Variants in TMEM267 observed in about 807,000 individuals in gnomAD.
The protein encoded by TMEM267 is transmembrane protein 267.
Under a neutral mutation model 19.3 loss-of-function variants are expected in TMEM267, and 20 were observed. The observed-to-expected ratio is 1.04, with a 90% CI of 0.73 to 1.51. The LOEUF is 1.51. TMEM267 is among the 40% of genes most tolerant of loss of function. The probability of loss-of-function intolerance (pLI) is 0.00; values close to 1 mark genes in which losing one functional copy is unlikely to be tolerated. For missense variants in TMEM267, 242 were observed against 261.9 expected (o/e 0.92, Z 0.52); for synonymous variants, 88 against 90.3 (o/e 0.97, Z 0.15).
At chr5:43,473,284 G>A (rs945462750) in intron 1 of TMEM267, among the ~76,000 whole-genome samples, 1 of 151,962 alleles carries the variant, frequency 6.6e-6, no homozygotes, top group African/African-American at 2.4e-5. Flanking sequence ...AGAAATAAAG[G>A]GTATTCAATT....
Position 43,446,425 on chromosome 5 carries a change from A to C in TMEM267, c.445T>G (p.Phe149Val). ...ATATGATGTGAAGTCCAGGATATAA[A>C]TAACATCCAGGGAAGAAAGCACCAT... ...DSWCFLPWML[F>V]ISWTSHHIRD... The change falls in exon 3 of 3, where the codon TTT becomes GTT. Residue 149 changes from phenylalanine (F) to valine (V), a missense_variant. Transcript: ENST00000397080. 6.2e-7 allele frequency: 1 copy of C among 1,613,934 alleles called. No individual in the cohort carries two copies. The highest frequency in any genetic ancestry group is 8.5e-7 in the Non-Finnish European group (1 of 1,179,774).
In TMEM267 at chr5:43,457,843, T is replaced by C. The variant is rs559571821; in HGVS notation, c.-74-3800A>G. On this transcript the variant is annotated intron_variant, in intron 1 of 2. Coordinates refer to ENST00000397080, the MANE Select transcript of TMEM267 (RefSeq NM_022483.5). ...TAAGTAATAGATGTACTGTAGTTCA[T>C]TATATTTTTCTCTATTTTTCTGTAT... Among the ~76,000 whole-genome samples, 12 of 152,314 alleles carry C rather than the reference T, an allele frequency of 7.9e-5. No individual in the cohort carries two copies. The East Asian group carries it at 1.9e-3, about 24-fold the overall frequency.
In TMEM267 at chr5:43,444,579, T is replaced by C. The variant is rs1177942014; in HGVS notation, c.*1643A>G. 2 of 152,212 alleles carry C rather than the reference T, an allele frequency of 1.3e-5. No homozygotes were observed. Among genetic ancestry groups the C allele is most frequent in the Non-Finnish European group, 2.9e-5 (2 of 68,046 alleles). The allele number at this position is 152,212 out of a possible 1,614,324, so 9.4% of individuals were successfully genotyped here. On this transcript the variant is annotated 3_prime_UTR_variant, in exon 3 of 3. Coordinates refer to ENST00000397080, the MANE Select transcript of TMEM267 (RefSeq NM_022483.5). The stretch of plus-strand genomic sequence containing the variant: ...CGTGAGCCACCACGTCCGGTCACTA[T>C]GTAGCATTCTTAAATAAGGCCCTAT...
intron 2 of TMEM267, among the ~76,000 whole-genome samples, chr5:43,446,836 A>G (rs1468464980): frequency 6.6e-6 from 1 of 152,144 alleles, no homozygotes; most frequent in Non-Finnish European, 1.5e-5. Flanking sequence ...AATTCACAAT[A>G]TGAACATAAT....
rs529651950 is a variant in TMEM267, at chr5:43,461,841, C to A, written c.-74-7798G>T. ...TGACTCCCAGATGGTACCTCTAGAC[C>A]CACCCAGGGCCTGGGGGACCTCACT... On this transcript the variant is annotated intron_variant, in intron 1 of 2. Transcript: ENST00000397080. 6.1e-4 allele frequency among the ~76,000 whole-genome samples: 93 copies of A among 152,112 alleles called. 2 individuals are homozygous for A. The highest frequency in any genetic ancestry group is 2.1e-4 in the Non-Finnish European group (14 of 68,018).
chr5:43,450,985 C>T (rs1742552132), intron 2 of TMEM267, among the ~76,000 whole-genome samples: 1 of 152,002 alleles, frequency 6.6e-6, no homozygotes, highest in South Asian at 2.1e-4. Flanking sequence ...CAGGTGCCTG[C>T]CACTATGCCC....
At chr5:43,481,079 C>T (rs1744733617) in intron 1 of TMEM267, among the ~76,000 whole-genome samples, 1 of 149,794 alleles carries the variant, frequency 6.7e-6, no homozygotes, top group South Asian at 2.1e-4. Context: ...GCTAGGATTA[C>T]AGGCGTGAGC....
intron 1 of TMEM267, among the ~76,000 whole-genome samples, chr5:43,467,512 T>G (rs1353601364): frequency 6.6e-6 from 1 of 152,166 alleles, no homozygotes; most frequent in African/African-American, 2.4e-5. Flanking sequence ...GACAAAGATG[T>G]AATTTCAGTA....
At chr5:43,451,534 T>A (rs1579786207) in intron 2 of TMEM267, among the ~76,000 whole-genome samples, 1 of 151,930 alleles carries the variant, frequency 6.6e-6, no homozygotes, top group African/African-American at 2.4e-5. Flanking sequence ...AAATGCAAAT[T>A]AAAACCACAA....
chr5:43,464,068 C>A (rs1374489117), intron 1 of TMEM267, among the ~76,000 whole-genome samples: 3 of 152,162 alleles, frequency 2.0e-5, no homozygotes, highest in African/African-American at 7.2e-5. Context: ...ATTGTCTCAG[C>A]CCAAAATCTC....
intron 1 of TMEM267, among the ~76,000 whole-genome samples, chr5:43,468,146 G>A (rs866991189): frequency 1.3e-5 from 2 of 152,074 alleles, no homozygotes; most frequent in South Asian, 4.1e-4. Flanking sequence ...TGTCTAGTTA[G>A]AACAATTTTA....
chr5:43,449,986 CGTTTTTTTTTTT>C (rs1308185242), intron 2 of TMEM267, among the ~76,000 whole-genome samples: 1 of 150,306 alleles, frequency 6.7e-6, no homozygotes, highest in South Asian at 2.1e-4. Context: ...ATCAATGTAG[CGTTTTTTTTTTT>C]GTTTTTTTTT....
rs553279162 is a variant in TMEM267 at position 43,444,956 on chromosome 5, A to T, written c.*1266T>A. ...ATTCTGTTTAACTTAATATACAAGA[A>T]AATCTGCTGTGGATAAGGCATTGCT... On this transcript the variant is annotated 3_prime_UTR_variant, in exon 3 of 3. Transcript: ENST00000397080. 2.0e-5 allele frequency: 3 copies of T among 152,206 alleles called. No homozygotes were observed. The South Asian group carries it at 6.2e-4, about 31-fold the overall frequency. The allele number at this position is 152,206 out of a possible 1,614,324, so 9.4% of individuals were successfully genotyped here.
Position 43,453,805 on chromosome 5 carries a change from T to C in TMEM267, c.165A>G (p.Ala55=). 1 of 1,614,168 alleles carries C rather than the reference T, an allele frequency of 6.2e-7. No individual in the cohort carries two copies. The highest frequency in any genetic ancestry group is 1.1e-5 in the South Asian group (1 of 91,084). Residue 55 remains alanine, a synonymous_variant, in exon 2 of 3, where the codon GCA becomes GCG. Transcript: ENST00000397080. The part of the protein sequence containing the change: ...NDWLRALSDN[A]VHCVIGMWSW... The stretch of plus-strand genomic sequence containing the variant: ...ACCACATGCCAATTACACAATGTAC[T>C]GCATTATCTGAGAGAGCACGAAGCC...
chr5:43,470,660 T>G (rs1744011922), intron 1 of TMEM267, among the ~76,000 whole-genome samples: 2 of 152,328 alleles, frequency 1.3e-5, no homozygotes, highest in South Asian at 4.1e-4. Context: ...ATTGAAAGCT[T>G]TTCCTCTAAG....
intron 1 of TMEM267, chr5:43,479,906 T>G (rs1325983867): frequency 2.3e-6 from 1 of 443,532 alleles, no homozygotes; most frequent in Non-Finnish European, 4.5e-6. Context: ...TACAAAGTCA[T>G]GAATCCTTTC....
chr5:43,473,345 A>T (rs1744203994), intron 1 of TMEM267, among the ~76,000 whole-genome samples: 1 of 152,140 alleles, frequency 6.6e-6, no homozygotes, highest in African/African-American at 2.4e-5. Context: ...ATGATTGTAT[A>T]ATTAGAAAAC....
intron 1 of TMEM267, among the ~76,000 whole-genome samples, chr5:43,468,857 A>G (rs1416878003): frequency 6.6e-6 from 1 of 152,246 alleles, no homozygotes; most frequent in Non-Finnish European, 1.5e-5. Context: ...CAAAAATTGA[A>G]TTAATATCAA....
intron 2 of TMEM267, 57 bp from the exon 3 acceptor site, chr5:43,446,614 T>G: frequency 9.6e-7 from 1 of 1,043,610 alleles, no homozygotes; most frequent in African/African-American, 1.6e-5. Flanking sequence ...CAAAATTTTA[T>G]ACATGCTTCT....
Sources: gnomAD v4.1 joint callset for allele counts (sites outside exome capture counted in the v4.1 genomes callset) on GRCh38, gnomAD v4.1.1 for gene constraint, MANE v1.5 for transcripts, NCBI Gene and HGNC (gene_info 2026-07-23, HGNC 2026-07-21) for gene names.